Variants in VCL observed in about 807,000 individuals in gnomAD.
The protein encoded by VCL is vinculin.
Under a neutral mutation model 125.7 loss-of-function variants are expected in VCL, and 47 were observed. The ratio of observed to expected loss-of-function variants is 0.37; its 90% CI spans 0.30 to 0.48. VCL has a LOEUF of 0.48. Among genes scored for constraint, VCL ranks in the 20% least tolerant of loss-of-function variants. VCL has a pLI of 0.99. For synonymous variants in VCL, 458 were observed against 514.6 expected, an observed-to-expected ratio of 0.89 and a Z score of 1.49; for missense variants, 1,069 against 1,455.5, an observed-to-expected ratio of 0.73 and a Z score of 4.32.
At chr10:74,041,413 T>C (rs2136247642) in intron 1 of VCL, among the ~76,000 whole-genome samples, 1 of 152,308 alleles carries the variant, frequency 6.6e-6, no homozygotes, top group East Asian at 1.9e-4. Context: ...ATTCAAGACC[T>C]GCATAGAGAT....
intron 1 of VCL, among the ~76,000 whole-genome samples, chr10:74,034,533 A>G (rs111331765): frequency 5.9e-5 from 9 of 152,364 alleles, no homozygotes; most frequent in African/African-American, 1.9e-4. Context: ...CTACTAGAGC[A>G]TGCATTACAC....
In VCL at chr10:74,119,930, A is replaced by T. The variant is rs886047230; in HGVS notation, c.*1761A>T. The T allele has an allele frequency of 6.6e-6, 1 of 151,978 alleles. No individual in the cohort carries two copies. Among genetic ancestry groups the T allele is most frequent in the Non-Finnish European group, 1.5e-5 (1 of 67,958 alleles). The allele number at this position is 151,978 out of a possible 1,614,324, so 9.4% of individuals were successfully genotyped here. ...TCATGTTTGCTCTCCCGGTTCTTCC[A>T]GTGGTTTGAGACACTGGTTTACACT... is the stretch of plus-strand genomic sequence containing the variant. On this transcript the variant is annotated 3_prime_UTR_variant, in exon 22 of 22. Transcript: ENST00000211998.
chr10:74,092,917 G>A (rs1030580628), intron 10 of VCL, among the ~76,000 whole-genome samples: 2 of 152,090 alleles, frequency 1.3e-5, no homozygotes, highest in African/African-American at 4.8e-5. Flanking sequence ...CCTGACTGTG[G>A]GTATGTTGTC....
intron 2 of VCL, among the ~76,000 whole-genome samples, chr10:74,053,395 G>A (rs1199565291): frequency 6.6e-6 from 1 of 151,744 alleles, no homozygotes; most frequent in African/African-American, 2.4e-5. Flanking sequence ...AATCTCTGTT[G>A]TATCTAGTTA....
intron 1 of VCL, among the ~76,000 whole-genome samples, chr10:74,006,523 T>C (rs1269570232): frequency 6.6e-6 from 1 of 152,234 alleles, no homozygotes. Context: ...TTCTTAGATA[T>C]TTGTTTAAAA....
intron 2 of VCL, among the ~76,000 whole-genome samples, chr10:74,059,771 G>A (rs1350155182): frequency 6.6e-6 from 1 of 152,104 alleles, no homozygotes; most frequent in Non-Finnish European, 1.5e-5. Context: ...CTTAGGTAAG[G>A]ACTTTTAAAA....
intron 10 of VCL, among the ~76,000 whole-genome samples, chr10:74,092,054 G>A (rs1208220826): frequency 1.3e-4 from 19 of 151,632 alleles, no homozygotes; most frequent in Non-Finnish European, 1.8e-4. Context: ...GACTACAGGC[G>A]CACACCACCA....
At chr10:74,020,063 C>CA (rs894179907) in intron 1 of VCL, among the ~76,000 whole-genome samples, 206 of 116,510 alleles carry the variant, frequency 1.8e-3, no homozygotes, top group African/African-American at 3.6e-3. Flanking sequence ...AACTCCGTCT[C>CA]AAAAAAAAAA....
chr10:74,035,198 C>T (rs891370029), intron 1 of VCL, among the ~76,000 whole-genome samples: 1 of 151,414 alleles, frequency 6.6e-6, no homozygotes, highest in East Asian at 1.9e-4. Context: ...GAGACATCTA[C>T]ATTAACATAT....
rs894904538 is a variant in VCL, at chr10:74,094,171, G to A, written c.1353-100G>A. The A allele has an allele frequency of 1.3e-5, 18 of 1,434,922 alleles. No homozygotes were observed. In the East Asian group the frequency reaches 3.9e-4, roughly 31 times the overall value. 88.9% of individuals were successfully genotyped at this position (1,434,922 alleles called of 1,614,324 possible). A position where few individuals can be genotyped will look rare whatever the true frequency, so the allele number is the denominator to read the frequency against. On this transcript the variant is annotated intron_variant, in intron 10 of 21. Coordinates refer to ENST00000211998, the MANE Select transcript of VCL (RefSeq NM_014000.3). ...TTCAAACCAAATTAATAGTAATCAG[G>A]AGCAATTTGTCATCCTATTAGCATT...
intron 14 of VCL, among the ~76,000 whole-genome samples, chr10:74,103,118 T>C (rs1358932971): frequency 1.3e-5 from 2 of 152,290 alleles, no homozygotes; most frequent in East Asian, 3.9e-4. Flanking sequence ...TCCACCCGCC[T>C]CGGTCTCCCA....
chr10:74,047,897 T>G (rs897476725), intron 2 of VCL, among the ~76,000 whole-genome samples: 2 of 152,176 alleles, frequency 1.3e-5, no homozygotes, highest in Admixed American at 6.5e-5. Context: ...ACTGTAAAAG[T>G]GAGAGCCATT....
chr10:74,056,511 AG>A (rs1841393787), intron 2 of VCL, among the ~76,000 whole-genome samples: 1 of 152,178 alleles, frequency 6.6e-6, no homozygotes, highest in South Asian at 2.1e-4. Context: ...GGACAGGGAA[AG>A]GAATACTTTG....
At chr10:74,028,428 C>G (rs1039767134) in intron 1 of VCL, among the ~76,000 whole-genome samples, 3 of 145,118 alleles carry the variant, frequency 2.1e-5, no homozygotes, top group Non-Finnish European at 4.5e-5. Flanking sequence ...CAGGGTTTCG[C>G]TCTTGTCACC....
chr10:74,100,991 A>G lies in VCL; in HGVS notation c.1916A>G (p.Lys639Arg). 6.2e-7 allele frequency: 1 copy of G among 1,614,110 alleles called. No individual in the cohort carries two copies. The highest frequency in any genetic ancestry group is 8.5e-7 in the Non-Finnish European group (1 of 1,179,998). The part of the protein sequence containing the change: ...RAANFENHSG[K>R]LGATAEKAAA... ...GCTAACTTTGAAAACCATTCAGGAA[A>G]GCTTGGTGCTACGGCCGAGAAGGCG... Residue 639 changes from lysine to arginine, a missense_variant, in exon 14 of 22, where the codon AAG becomes AGG. By Grantham distance (26) the Lys-to-Arg change is conservative. Around this residue, in one of 6 missense-constraint regions of VCL, gnomAD observed 760 missense variants for 928.9 expected, o/e 0.82. Coordinates refer to ENST00000211998, the MANE Select transcript of VCL (RefSeq NM_014000.3).
intron 14 of VCL, 46 bp from the exon 15 acceptor site, chr10:74,103,774 G>C (rs1840092855): frequency 6.5e-7 from 1 of 1,549,436 alleles, no homozygotes; most frequent in South Asian, 1.1e-5. Context: ...TTTGTATCTG[G>C]AGAGCAAGGG....
intron 18 of VCL, among the ~76,000 whole-genome samples, chr10:74,110,397 T>C (rs1840202791): frequency 6.6e-6 from 1 of 152,196 alleles, no homozygotes; most frequent in South Asian, 2.1e-4. Flanking sequence ...AGTCCTGAGG[T>C]CTATCTCCTG....
At chr10:74,024,872 G>C (rs1481522250) in intron 1 of VCL, among the ~76,000 whole-genome samples, 2 of 152,194 alleles carry the variant, frequency 1.3e-5, no homozygotes, top group African/African-American at 4.8e-5. Context: ...CAGTTGGTTA[G>C]ACTGCATCTT....
intron 2 of VCL, among the ~76,000 whole-genome samples, chr10:74,065,137 C>G (rs1841546654): frequency 7.5e-6 from 1 of 133,410 alleles, no homozygotes; most frequent in Admixed American, 7.5e-5. Flanking sequence ...AATCCCAGCA[C>G]TTTTTTTTTT....
Sources: gnomAD v4.1 joint callset for allele counts (sites outside exome capture counted in the v4.1 genomes callset) on GRCh38, gnomAD v4.1.1 for gene constraint, gnomAD v4.1.1 regional missense constraint, MANE v1.5 for transcripts, NCBI Gene and HGNC (gene_info 2026-07-23, HGNC 2026-07-21) for gene names.